PTPN14: variants seen among roughly 807,000 people sequenced by gnomAD.
The protein encoded by PTPN14 is protein tyrosine phosphatase non-receptor type 14.
In PTPN14, 53 loss-of-function variants were observed where a neutral mutation model predicts 126.8. The observed-to-expected ratio is 0.42, with a 90% CI of 0.34 to 0.53. PTPN14 has a LOEUF of 0.53. Among genes scored for constraint, PTPN14 ranks in the 20% least tolerant of loss-of-function variants. The pLI, the probability that PTPN14 is intolerant of heterozygous loss-of-function variation, is 0.08. For synonymous variants in PTPN14, 630 were observed against 599.3 expected (o/e 1.05, Z -0.75); for missense variants, 1,257 against 1,552.9 (o/e 0.81, Z 3.20).
rs1313724805 is a variant in PTPN14, at chr1:214,397,892, AAAAC to A, written c.758+17_758+20del. On this transcript the variant is annotated intron_variant, in intron 8 of 18. Transcript: ENST00000366956. Reference sequence around the variant, plus strand: ...TCCTCAAGGTAAAAAAGAAAAAAGAAAAACAAACAAATAAGACTACCTGTATATT... The same window carrying A: ...TCCTCAAGGTAAAAAAGAAAAAAGAAAAACAAATAAGACTACCTGTATATT... 4 of 1,559,566 alleles carry A rather than the reference AAAAC, an allele frequency of 2.6e-6. No homozygotes were observed. Among genetic ancestry groups the A allele is most frequent in the African/African-American group, 2.7e-5 (2 of 73,234 alleles).
chr1:214,550,704 AG>A (rs1444818701), intron 1 of PTPN14, among the ~76,000 whole-genome samples: 1 of 152,098 alleles, frequency 6.6e-6, no homozygotes, highest in Non-Finnish European at 1.5e-5. Flanking sequence ...GTGAGAGGGC[AG>A]GAAAACTCCG....
chr1:214,475,057 T>G (rs1377228365), intron 1 of PTPN14, among the ~76,000 whole-genome samples: 1 of 152,236 alleles, frequency 6.6e-6, no homozygotes. Context: ...CCACTATGAG[T>G]TGACAGTTCT....
intron 1 of PTPN14, chr1:214,529,895 T>C (rs1026991899): frequency 2.6e-5 from 4 of 152,018 alleles, no homozygotes; most frequent in African/African-American, 9.7e-5. Flanking sequence ...TATATATATA[T>C]ATTAACCACT....
intron 6 of PTPN14, 66 bp downstream of exon 6, chr1:214,402,817 G>A (rs1481600773): frequency 2.6e-6 from 4 of 1,542,096 alleles, no homozygotes; most frequent in Admixed American, 3.4e-5. Context: ...GGAGATGGAT[G>A]CCTCCTGCCC....
chr1:214,419,055 A>G (rs1659485672), intron 3 of PTPN14, among the ~76,000 whole-genome samples: 1 of 152,208 alleles, frequency 6.6e-6, no homozygotes, highest in African/African-American at 2.4e-5. Context: ...CATCGTCAGT[A>G]TCACACACAG....
At chr1:214,386,035 C>T (rs1658600773) in intron 12 of PTPN14, among the ~76,000 whole-genome samples, 1 of 152,234 alleles carries the variant, frequency 6.6e-6, no homozygotes, top group African/African-American at 2.4e-5. Flanking sequence ...ACATTTCCAA[C>T]ATCCACGGTT....
At chr1:214,511,299 C>A (rs1008763391) in intron 1 of PTPN14, among the ~76,000 whole-genome samples, 1 of 152,094 alleles carries the variant, frequency 6.6e-6, no homozygotes, top group Non-Finnish European at 1.5e-5. Context: ...ATAAAAAATA[C>A]GTTTTTATAA....
chr1:214,460,918 A>C (rs1030509778), intron 2 of PTPN14, among the ~76,000 whole-genome samples: 45 of 152,140 alleles, frequency 3.0e-4, no homozygotes, highest in African/African-American at 9.9e-4. Flanking sequence ...AGAATGTACA[A>C]CACCAAAAGT....
At chr1:214,428,899 A>T (rs542573926) in intron 3 of PTPN14, among the ~76,000 whole-genome samples, 1 of 152,354 alleles carries the variant, frequency 6.6e-6, no homozygotes, top group African/African-American at 2.4e-5. Flanking sequence ...GGCATGCACT[A>T]AAAAGATTGG....
In PTPN14 at chr1:214,510,363, G is replaced by A. The variant is rs78953505; in HGVS notation, c.-155+40820C>T. On this transcript the variant is annotated intron_variant, in intron 1 of 18. Coordinates refer to ENST00000366956, the MANE Select transcript of PTPN14 (RefSeq NM_005401.5). ...TGACACAGAGACTTGAAGTAAGCAC[G>A]TGCCGTTGGAAAAACAGACTTGCTC... is the stretch of plus-strand genomic sequence containing the variant. Among the ~76,000 whole-genome samples the A allele has an allele frequency of 5.6e-3, 859 of 152,256 alleles. 14 individuals carry two copies. In the East Asian group the frequency reaches 0.065, roughly 11 times the overall value.
At chr1:214,542,847 C>A (rs569939092) in intron 1 of PTPN14, among the ~76,000 whole-genome samples, 5 of 152,218 alleles carry the variant, frequency 3.3e-5, no homozygotes, top group Non-Finnish European at 7.3e-5. Flanking sequence ...TTGTGGAGAA[C>A]CTTAAACATC....
In PTPN14 at chr1:214,384,081, C is replaced by T. The variant is rs144384423; in HGVS notation, c.1774G>A (p.Gly592Ser). The T allele has an allele frequency of 1.5e-4, 242 of 1,574,472 alleles. No individual in the cohort carries two copies. Among genetic ancestry groups the T allele is most frequent in the Non-Finnish European group, 1.6e-4 (181 of 1,163,032 alleles). ...CGGGTCACCAGGTCCGGGCTGCTGC[C>T]GCTGACGTACTTGTGGCGGTGGCTG... ...LASHRHKYVSGSSPDLVTRKV... is the reference protein window; with the variant it reads ...LASHRHKYVSSSSPDLVTRKV... Residue 592 changes from glycine to serine, a missense_variant, in exon 13 of 19, where the codon GGC (glycine) becomes AGC (serine). Gly to Ser is a moderately conservative substitution (Grantham distance 56). Around this residue, in one of 3 missense-constraint regions of PTPN14, gnomAD observed 1,021 missense variants for 1,183.3 expected, o/e 0.86. Coordinates refer to ENST00000366956, the MANE Select transcript of PTPN14 (RefSeq NM_005401.5). This position sits in a 1 kb window ranked among gnomAD's most constrained non-coding sequence, Gnocchi z 5.3.
At chr1:214,547,387 T>C (rs1655998783) in intron 1 of PTPN14, among the ~76,000 whole-genome samples, 1 of 152,208 alleles carries the variant, frequency 6.6e-6, no homozygotes, top group Non-Finnish European at 1.5e-5. Flanking sequence ...ACACGCTGCA[T>C]ACCTGCCCTT....
At chr1:214,437,175 T>G (rs1558102033) in intron 3 of PTPN14, among the ~76,000 whole-genome samples, 2 of 152,208 alleles carry the variant, frequency 1.3e-5, no homozygotes, top group African/African-American at 4.8e-5. Flanking sequence ...ATTTTATTTT[T>G]TTCTTAATTT....
chr1:214,491,165 T>G, intron 1 of PTPN14, among the ~76,000 whole-genome samples: 1 of 152,248 alleles, frequency 6.6e-6, no homozygotes, highest in Non-Finnish European at 1.5e-5. Context: ...TTCTTTAATA[T>G]GATTTTTAAA....
intron 14 of PTPN14, 149 bp downstream of exon 14, chr1:214,377,810 T>C: frequency 2.0e-6 from 2 of 998,666 alleles, no homozygotes; most frequent in Non-Finnish European, 2.9e-6. Flanking sequence ...ACTGATTTAA[T>C]GCAACACAGT....
At chr1:214,409,560 C>T (rs1011292195) in intron 5 of PTPN14, among the ~76,000 whole-genome samples, 1 of 152,104 alleles carries the variant, frequency 6.6e-6, no homozygotes, top group Non-Finnish European at 1.5e-5. Flanking sequence ...CATACCATTT[C>T]ATTTTCTTTA....
intron 9 of PTPN14, 22 bp downstream of exon 9, chr1:214,394,877 A>C (rs947169994): frequency 8.8e-6 from 14 of 1,592,134 alleles, no homozygotes; most frequent in Non-Finnish European, 1.2e-5. Flanking sequence ...TCAGACCCTG[A>C]CTGTTTGTCT....
chr1:214,535,222 C>T (rs1387241596), intron 1 of PTPN14, among the ~76,000 whole-genome samples: 1 of 152,124 alleles, frequency 6.6e-6, no homozygotes. Context: ...CACATCTTTT[C>T]ATTCTCATTT....
Sources: gnomAD v4.1 joint callset for allele counts (sites outside exome capture counted in the v4.1 genomes callset) on GRCh38, gnomAD v4.1.1 for gene constraint, gnomAD v4.1.1 regional missense constraint, Gnocchi (gnomAD v3.1) non-coding constraint, MANE v1.5 for transcripts, NCBI Gene and HGNC (gene_info 2026-07-23, HGNC 2026-07-21) for gene names.